The following SLC39A11 variants were observed in gnomAD, a reference collection of about 807,000 sequenced individuals.
The protein encoded by SLC39A11 is solute carrier family 39 member 11, also known as zinc transporter ZIP11.
Under a neutral mutation model 36.1 loss-of-function variants are expected in SLC39A11, and 33 were observed. The observed-to-expected ratio is 0.91, with a 90% CI of 0.69 to 1.22. The LOEUF (loss-of-function observed/expected upper bound fraction) is 1.22. Among genes scored for constraint, SLC39A11 ranks in the 50% most tolerant of loss-of-function variants. The pLI is 0.00. For synonymous variants in SLC39A11, 166 were observed against 170.3 expected (o/e 0.97, Z 0.20); for missense variants, 432 against 430.3 (o/e 1.00, Z -0.03).
At chr17:72,966,608 C>T (rs375953212) in intron 4 of SLC39A11, among the ~76,000 whole-genome samples, 44 of 152,110 alleles carry the variant, frequency 2.9e-4, no homozygotes, top group African/African-American at 7.7e-4. Flanking sequence ...CTCGCTCTGT[C>T]GCCCAGGCTG....
At chr17:73,064,107 A>C (rs2059926941) in intron 3 of SLC39A11, among the ~76,000 whole-genome samples, 1 of 152,220 alleles carries the variant, frequency 6.6e-6, no homozygotes, top group Non-Finnish European at 1.5e-5. Context: ...GAAATAAAAA[A>C]AAGAAAGAAA....
At chr17:72,717,025 A>ACACG (rs34208347) in intron 7 of SLC39A11, among the ~76,000 whole-genome samples, 2 of 143,714 alleles carry the variant, frequency 1.4e-5, no homozygotes, top group African/African-American at 5.5e-5. Flanking sequence ...ACACACACAC[A>ACACG]TATACACATA....
intron 4 of SLC39A11, among the ~76,000 whole-genome samples, chr17:72,976,318 CT>C (rs1335135337): frequency 6.6e-6 from 1 of 152,040 alleles, no homozygotes; most frequent in Non-Finnish European, 1.5e-5. Context: ...CCCAAACACA[CT>C]TTGAGAACTA....
intron 6 of SLC39A11, among the ~76,000 whole-genome samples, chr17:72,784,206 A>T (rs1233294421): frequency 6.6e-6 from 1 of 152,020 alleles, no homozygotes; most frequent in East Asian, 1.9e-4. Flanking sequence ...TTAGCTGGGC[A>T]TGGTGGCGCA....
chr17:73,066,282 T>C (rs1161448464), intron 3 of SLC39A11, among the ~76,000 whole-genome samples: 3 of 152,242 alleles, frequency 2.0e-5, no homozygotes, highest in Non-Finnish European at 4.4e-5. Flanking sequence ...CTCTCCAGTC[T>C]AGTGGAACTG....
intron 7 of SLC39A11, among the ~76,000 whole-genome samples, chr17:72,714,909 C>T (rs1048388961): frequency 6.6e-6 from 1 of 152,212 alleles, no homozygotes; most frequent in African/African-American, 2.4e-5. Context: ...TTTGTTTAAA[C>T]AGCAGTTGGT....
At chr17:72,978,222 C>T (rs1187151486) in intron 4 of SLC39A11, among the ~76,000 whole-genome samples, 1 of 152,110 alleles carries the variant, frequency 6.6e-6, no homozygotes, top group Non-Finnish European at 1.5e-5. Flanking sequence ...TCCTTCCTTC[C>T]TTCCTCTTTC....
At chr17:73,089,759 G>A (rs564026111) in intron 1 of SLC39A11, 2 of 152,212 alleles carry the variant, frequency 1.3e-5, no homozygotes, top group Non-Finnish European at 2.9e-5. Flanking sequence ...CCCAGGAATG[G>A]AATGTCCCCT....
intron 6 of SLC39A11, among the ~76,000 whole-genome samples, chr17:72,847,367 A>G (rs2079097186): frequency 6.6e-6 from 1 of 150,468 alleles, no homozygotes; most frequent in Non-Finnish European, 1.5e-5. Context: ...GCACCACTGC[A>G]CTCCAGCCTG....
chr17:72,815,979 G>A (rs1309817170), intron 6 of SLC39A11, among the ~76,000 whole-genome samples: 1 of 152,234 alleles, frequency 6.6e-6, no homozygotes, highest in African/African-American at 2.4e-5. Flanking sequence ...TGGAATGCCT[G>A]TCTCTAGCTT....
chr17:72,832,769 G>A (rs1337463374), intron 6 of SLC39A11, among the ~76,000 whole-genome samples: 2 of 152,182 alleles, frequency 1.3e-5, no homozygotes, highest in Non-Finnish European at 2.9e-5. Context: ...AACAAACAGG[G>A]ACTTATTAAA....
chr17:72,972,526 G>A (rs1335351465), intron 4 of SLC39A11, among the ~76,000 whole-genome samples: 4 of 152,198 alleles, frequency 2.6e-5, no homozygotes, highest in Non-Finnish European at 5.9e-5. Context: ...TCTTTAAAGA[G>A]CCATTGAGCT....
intron 5 of SLC39A11, among the ~76,000 whole-genome samples, chr17:72,943,196 T>C (rs1201714913): frequency 6.6e-6 from 1 of 152,150 alleles, no homozygotes; most frequent in African/African-American, 2.4e-5. Flanking sequence ...GGGTTGCTGA[T>C]CCGGGGTTGG....
intron 5 of SLC39A11, among the ~76,000 whole-genome samples, chr17:72,925,001 CA>C (rs933053304): frequency 0.02 from 1,372 of 68,922 alleles, 13 homozygotes; most frequent in African/African-American, 0.042. Context: ...GACTCCATTT[CA>C]AAAAAAAAAA....
chr17:72,843,226 G>C (rs1221192782), intron 6 of SLC39A11, among the ~76,000 whole-genome samples: 1 of 152,116 alleles, frequency 6.6e-6, no homozygotes, highest in African/African-American at 2.4e-5. Flanking sequence ...GGGATTACAG[G>C]CCGTGAGCCA....
chr17:72,968,738 C>T (rs890793000), intron 4 of SLC39A11, among the ~76,000 whole-genome samples: 1 of 152,228 alleles, frequency 6.6e-6, no homozygotes, highest in African/African-American at 2.4e-5. Flanking sequence ...AATGCAGCCA[C>T]CACAGAATTC....
chr17:72,787,855 C>G (rs1385185241), intron 6 of SLC39A11, among the ~76,000 whole-genome samples: 1 of 152,164 alleles, frequency 6.6e-6, no homozygotes, highest in African/African-American at 2.4e-5. Flanking sequence ...GACTCTCCCC[C>G]TCCTTCCCTG....
At chr17:73,045,954 C>T (rs1225604494) in intron 3 of SLC39A11, among the ~76,000 whole-genome samples, 1 of 152,232 alleles carries the variant, frequency 6.6e-6, no homozygotes, top group Non-Finnish European at 1.5e-5. Context: ...ATCGCACCAG[C>T]TGCTCAAGCC....
At chr17:72,917,526 T>C (rs889820914) in intron 5 of SLC39A11, among the ~76,000 whole-genome samples, 5 of 152,022 alleles carry the variant, frequency 3.3e-5, no homozygotes, top group African/African-American at 1.2e-4. Context: ...ACAGGGGAGA[T>C]ATACACAGCC....
Sources: allele counts gnomAD v4.1 joint callset (sites outside exome capture counted in the v4.1 genomes callset), GRCh38; gene constraint gnomAD v4.1.1; transcripts MANE v1.5; gene names NCBI Gene and HGNC (gene_info 2026-07-23, HGNC 2026-07-21).